The following PMFBP1 variants were observed in gnomAD, a reference collection of about 807,000 sequenced individuals.
The protein encoded by PMFBP1 is polyamine-modulated factor 1-binding protein 1.
Under a neutral mutation model 137.8 loss-of-function variants are expected in PMFBP1, and 131 were observed. The observed-to-expected ratio is 0.95, with a 90% CI of 0.82 to 1.10. The LOEUF is 1.10. Among genes scored for constraint, PMFBP1 ranks in the 50% least tolerant of loss-of-function variants. The pLI is 0.00. For missense variants in PMFBP1, 1,199 were observed against 1,175.4 expected (o/e 1.02, Z -0.29); for synonymous variants, 490 against 450.4 (o/e 1.09, Z -1.11).
intron 5 of PMFBP1, among the ~76,000 whole-genome samples, chr16:72,140,928 CTTTTTTTTTTT>C (rs35908141): frequency 1.9e-4 from 13 of 69,788 alleles, no homozygotes; most frequent in African/African-American, 5.8e-4. Context: ...ACAAATGAGT[CTTTTTTTTTTT>C]TTTTTTTTTT....
the PMFBP1 span, among the ~76,000 whole-genome samples, chr16:72,229,462 A>G: frequency 6.6e-6 from 1 of 152,202 alleles, no homozygotes; most frequent in Non-Finnish European, 1.5e-5. Flanking sequence ...ACTAATTTAC[A>G]TTCCCACAGC....
intron 3 of PMFBP1, among the ~76,000 whole-genome samples, chr16:72,155,064 C>T (rs1186265441): frequency 6.6e-6 from 1 of 151,966 alleles, no homozygotes; most frequent in East Asian, 1.9e-4. Context: ...GTGATCTCTT[C>T]TTGCTAATCC....
chr16:72,181,248 A>AAAT (rs1224881528), upstream of PMFBP1, among the ~76,000 whole-genome samples: 7 of 150,148 alleles, frequency 4.7e-5, no homozygotes, highest in South Asian at 2.1e-4. Context: ...AAAAAAAAAA[A>AAAT]AATAATAATA....
At chr16:72,173,119 G>C (rs1180822508), upstream of PMFBP1, among the ~76,000 whole-genome samples, 1 of 152,164 alleles carries the variant, frequency 6.6e-6, no homozygotes, top group Non-Finnish European at 1.5e-5. Flanking sequence ...CCTTTGCAAA[G>C]GCCTTCATAT....
At chr16:72,203,700 G>C in the PMFBP1 span, among the ~76,000 whole-genome samples, 5 of 152,084 alleles carry the variant, frequency 3.3e-5, no homozygotes, top group Non-Finnish European at 5.9e-5. Context: ...AGTTTCCTTG[G>C]TGCCCTGGTG....
At chr16:72,132,254 C>A (rs1243825959) in intron 10 of PMFBP1, among the ~76,000 whole-genome samples, 1 of 152,162 alleles carries the variant, frequency 6.6e-6, no homozygotes, top group African/African-American at 2.4e-5. Flanking sequence ...CCAGAGAAAC[C>A]CTGTACCCAA....
At chr16:72,117,981 T>G (rs1001755670), downstream of PMFBP1, among the ~76,000 whole-genome samples, 75 of 152,318 alleles carry the variant, frequency 4.9e-4, no homozygotes, top group African/African-American at 1.8e-3. Flanking sequence ...CAATTAGCTC[T>G]CCATAACTGA....
At chr16:72,125,203 C>G (rs376622991) in intron 16 of PMFBP1, 35 bp downstream of exon 16, 13 of 1,599,914 alleles carry the variant, frequency 8.1e-6, no homozygotes, top group African/African-American at 1.4e-5. Flanking sequence ...GGACCCCTAC[C>G]AGGAAGGCAG....
the PMFBP1 span, among the ~76,000 whole-genome samples, chr16:72,199,428 C>T: frequency 4.6e-5 from 7 of 152,010 alleles, no homozygotes; most frequent in South Asian, 2.1e-4. Flanking sequence ...CCGAGGTGGG[C>T]GGATGGCCTG....
chr16:72,164,439 C>T (rs745447052), intron 3 of PMFBP1: 87 of 1,345,038 alleles, frequency 6.5e-5, no homozygotes, highest in African/African-American at 1.5e-4. Context: ...CCATAGCAGA[C>T]GCTGCTCCCC....
chr16:72,129,306 G>T, intron 12 of PMFBP1, 73 bp from the exon 13 acceptor site: 1 of 1,495,032 alleles, frequency 6.7e-7, no homozygotes, highest in Non-Finnish European at 9.0e-7. Flanking sequence ...ACAGACAATT[G>T]CACACAGGGC....
At chr16:72,180,812 A>T (rs373442335), upstream of PMFBP1, among the ~76,000 whole-genome samples, 3 of 152,240 alleles carry the variant, frequency 2.0e-5, no homozygotes, top group Admixed American at 2.0e-4. Flanking sequence ...ACAAGTGGCA[A>T]TGAGGGAGGA....
chr16:72,142,904 A>C (rs1027224054), intron 5 of PMFBP1, among the ~76,000 whole-genome samples: 8 of 152,208 alleles, frequency 5.3e-5, no homozygotes, highest in Non-Finnish European at 1.2e-4. Flanking sequence ...AAAGCACAAA[A>C]ATTTAGGCCA....
At chr16:72,226,483 T>C in the PMFBP1 span, among the ~76,000 whole-genome samples, 1 of 152,186 alleles carries the variant, frequency 6.6e-6, no homozygotes, top group African/African-American at 2.4e-5. Flanking sequence ...TGACTGTTTC[T>C]GCCCCCATTT....
chr16:72,163,319 A>G (rs1400599352), intron 3 of PMFBP1, among the ~76,000 whole-genome samples: 2 of 152,260 alleles, frequency 1.3e-5, no homozygotes, highest in East Asian at 1.9e-4. Context: ...ATGTGGAAAA[A>G]TTTAGAGACT....
chr16:72,182,908 C>T, the PMFBP1 span, among the ~76,000 whole-genome samples: 1 of 152,150 alleles, frequency 6.6e-6, no homozygotes, highest in Non-Finnish European at 1.5e-5. Context: ...AGCTCTCTTA[C>T]CCTCTGCTCT....
At chr16:72,139,092 C>T (rs533924216) in intron 7 of PMFBP1, among the ~76,000 whole-genome samples, 197 bp downstream of exon 7, 9 of 152,200 alleles carry the variant, frequency 5.9e-5, no homozygotes, top group Non-Finnish European at 1.2e-4. Flanking sequence ...AGGTGCAGTT[C>T]CAAAATTGAA....
At chr16:72,122,141 A>G (rs1486891704) in intron 19 of PMFBP1, among the ~76,000 whole-genome samples, 1 of 152,208 alleles carries the variant, frequency 6.6e-6, no homozygotes, top group East Asian at 1.9e-4. Flanking sequence ...AAGTGAGAAC[A>G]TGTGGTACTT....
chr16:72,206,892 G>A, the PMFBP1 span, among the ~76,000 whole-genome samples: 8 of 152,172 alleles, frequency 5.3e-5, no homozygotes, highest in African/African-American at 1.9e-4. Context: ...AAATATGCCT[G>A]TAGAAAGGGG....
Sources: allele counts gnomAD v4.1 joint callset (sites outside exome capture counted in the v4.1 genomes callset), GRCh38; gene constraint gnomAD v4.1.1; transcripts MANE v1.5; gene names NCBI Gene and HGNC (gene_info 2026-07-23, HGNC 2026-07-21).